The following TBC1D16 variants were observed in gnomAD, a reference collection of about 807,000 sequenced individuals.
TBC1D16 encodes CTD-2529O21.1.
A neutral mutation model predicts 74.7 loss-of-function variants in TBC1D16; 58 were observed. The ratio of observed to expected loss-of-function variants is 0.78; its 90% CI spans 0.63 to 0.97. The LOEUF is 0.97. Among genes scored for constraint, TBC1D16 ranks in the 50% least tolerant of loss-of-function variants. TBC1D16 has a pLI of 0.00. For synonymous variants in TBC1D16, 493 were observed against 474.7 expected (o/e 1.04, Z -0.50); for missense variants, 1,014 against 1,079.5 (o/e 0.94, Z 0.85).
At position 79,941,489 on chromosome 17, in the gene TBC1D16, A is replaced by G. The variant is rs1277478931; in HGVS notation, c.2056-382T>C. Reference sequence around the variant, plus strand: ...CTCTTCTTCCCCCGCACCTTGCTCCACCCCCCACCCCCAGCAGCCTCTCAG... The same window carrying G: ...CTCTTCTTCCCCCGCACCTTGCTCCGCCCCCCACCCCCAGCAGCCTCTCAG... On this transcript the variant is annotated intron_variant, in intron 11 of 11. Transcript: ENST00000310924. The surrounding 1 kb of genome is among the most constrained non-coding windows in gnomAD (Gnocchi z 4.3). Among the ~76,000 whole-genome samples, 1 of 141,106 alleles carries G rather than the reference A, an allele frequency of 7.1e-6. No homozygotes were observed. Among genetic ancestry groups the G allele is most frequent in the Non-Finnish European group, 1.6e-5 (1 of 64,082 alleles). The allele number at this position is 141,106 out of a possible 152,430, so 92.6% of individuals were successfully genotyped here. A position where few individuals can be genotyped will look rare whatever the true frequency, so the allele number is the denominator to read the frequency against.
rs1455599275 is a variant in TBC1D16, at chr17:79,943,800, C to CTGAGT, written c.1908+1103_1908+1107dup. The CTGAGT allele has an allele frequency of 3.1e-6, 4 of 1,282,628 alleles. No individual in the cohort carries two copies. The African/African-American group carries it at 4.6e-5, about 15-fold the overall frequency. The allele number at this position is 1,282,628 out of a possible 1,614,324, so 79.5% of individuals were successfully genotyped here. On this transcript the variant is annotated intron_variant, in intron 10 of 11. Transcript: ENST00000310924. Reference sequence around the variant, plus strand: ...AGGGACCCATCTGCCGGGCCACGCGCTGAGTTCACGGGTAACATCAGCCTG... The same window carrying CTGAGT: ...AGGGACCCATCTGCCGGGCCACGCGCTGAGTTGAGTTCACGGGTAACATCAGCCTG...
chr17:79,982,329 A>G (rs1312491632), intron 3 of TBC1D16, among the ~76,000 whole-genome samples: 2 of 151,350 alleles, frequency 1.3e-5, no homozygotes, highest in African/African-American at 4.9e-5. Flanking sequence ...TATTTTTGGT[A>G]GAGACGGGGT....
rs888253523 is a variant in TBC1D16 at position 80,008,278 on chromosome 17, C to T, written c.779+1882G>A. Among the ~76,000 whole-genome samples the T allele has an allele frequency of 3.3e-5, 5 of 152,110 alleles. No homozygotes were observed. Among genetic ancestry groups the T allele is most frequent in the African/African-American group, 7.2e-5 (3 of 41,400 alleles). On this transcript the variant is annotated intron_variant, in intron 3 of 11. Transcript: ENST00000310924. This position sits in a 1 kb window ranked among gnomAD's most constrained non-coding sequence, Gnocchi z 4.5. ...AGCCTCATCTTACAAACAGGGAAAC[C>T]GAGGCTCCAAGAAAAGAAAGAATTT...
rs1006008665 is a variant in TBC1D16 at position 79,994,104 on chromosome 17, C to A, written c.779+16056G>T. Among the ~76,000 whole-genome samples the A allele has an allele frequency of 2.2e-4, 33 of 152,256 alleles. No individual in the cohort carries two copies. Among genetic ancestry groups the A allele is most frequent in the African/African-American group, 7.0e-4 (29 of 41,532 alleles). ...TTGAGGCACTTATTTCCTCCCTGTC[C>A]TGACAGTTTTACTAGAAAGGTCAGC... On this transcript the variant is annotated intron_variant, in intron 3 of 11. Coordinates refer to ENST00000310924, the MANE Select transcript of TBC1D16 (RefSeq NM_019020.4). This position sits in a 1 kb window ranked among gnomAD's most constrained non-coding sequence, Gnocchi z 4.6.
At chr17:79,984,710 A>C (rs2034758952) in intron 3 of TBC1D16, among the ~76,000 whole-genome samples, 1 of 151,772 alleles carries the variant, frequency 6.6e-6, no homozygotes, top group Non-Finnish European at 1.5e-5. Flanking sequence ...AAGGCAAAAA[A>C]AAAAAAAACA....
rs531844413 is a variant in TBC1D16, at chr17:79,988,299, C to T, written c.779+21861G>A. On this transcript the variant is annotated intron_variant, in intron 3 of 11. Transcript: ENST00000310924. This position sits in a 1 kb window ranked among gnomAD's most constrained non-coding sequence, Gnocchi z 5.7. ...TCCAAAGTCACAGAGCAAAACAACACGCTGAACAAACACCACCACCCTGAA... is the reference window on the plus strand; with the variant it reads ...TCCAAAGTCACAGAGCAAAACAACATGCTGAACAAACACCACCACCCTGAA... Among the ~76,000 whole-genome samples the T allele has an allele frequency of 2.0e-5, 3 of 152,356 alleles. No homozygotes were observed. Among genetic ancestry groups the T allele is most frequent in the East Asian group, 1.9e-4 (1 of 5,184 alleles).
chr17:80,006,199 G>GCT lies in TBC1D16; in HGVS notation c.779+3959_779+3960dup, dbSNP rs531840121. On this transcript the variant is annotated intron_variant, in intron 3 of 11. Coordinates refer to ENST00000310924, the MANE Select transcript of TBC1D16 (RefSeq NM_019020.4). The stretch of plus-strand genomic sequence containing the variant: ...ACCAGGAGCGCTCTCGCTCTCTCTC[G>GCT]CTCTCTCGCTCTCTTTCTCTCTTTC... 2.0e-5 allele frequency among the ~76,000 whole-genome samples: 3 copies of GCT among 150,480 alleles called. No homozygotes were observed. The South Asian group carries it at 6.4e-4, about 32-fold the overall frequency.
Position 79,940,770 on chromosome 17 carries a change from T to G in TBC1D16, c.*89A>C. On this transcript the variant is annotated 3_prime_UTR_variant, in exon 12 of 12. Coordinates refer to ENST00000310924, the MANE Select transcript of TBC1D16 (RefSeq NM_019020.4). This position sits in a 1 kb window ranked among gnomAD's most constrained non-coding sequence, Gnocchi z 5.4. The stretch of plus-strand genomic sequence containing the variant: ...TTTTCCTTAGGTTTCTACCGTCCCC[T>G]GTCCCCTTCACGCCCAGCCCCACCC... 7.2e-7 allele frequency: 1 copy of G among 1,396,910 alleles called. No individual in the cohort carries two copies. The highest frequency in any genetic ancestry group is 1.7e-5 in the South Asian group (1 of 60,278). The allele number at this position is 1,396,910 out of a possible 1,614,324, so 86.5% of individuals were successfully genotyped here. A position where few individuals can be genotyped will look rare whatever the true frequency, so the allele number is the denominator to read the frequency against.
chr17:80,006,218 CTCTT>C (rs543899877), intron 3 of TBC1D16, among the ~76,000 whole-genome samples: 33 of 147,510 alleles, frequency 2.2e-4, no homozygotes, highest in South Asian at 1.1e-3. Flanking sequence ...CTCTCTTTCT[CTCTT>C]TCTTTCTCTC....
In TBC1D16 at chr17:80,009,085, G is replaced by A. The variant is rs1042828345; in HGVS notation, c.779+1075C>T. ...AATAGGAGGGCCCACCTCACGGGGCGTGGGGCTGTGGAAAGCACACACGTA... is the reference window on the plus strand; with the variant it reads ...AATAGGAGGGCCCACCTCACGGGGCATGGGGCTGTGGAAAGCACACACGTA... On this transcript the variant is annotated intron_variant, in intron 3 of 11. Transcript: ENST00000310924. This position sits in a 1 kb window ranked among gnomAD's most constrained non-coding sequence, Gnocchi z 5.4. Among the ~76,000 whole-genome samples the A allele has an allele frequency of 6.6e-5, 10 of 152,214 alleles. No homozygotes were observed. The highest frequency in any genetic ancestry group is 2.6e-4 in the Admixed American group (4 of 15,282).
intron 3 of TBC1D16, among the ~76,000 whole-genome samples, chr17:79,968,372 A>C (rs1401071247): frequency 6.6e-6 from 1 of 152,266 alleles, no homozygotes; most frequent in South Asian, 2.1e-4. Flanking sequence ...CAAAGAATGA[A>C]GTCAGACCAT....
At chr17:80,012,314 C>T (rs2035926030) in intron 2 of TBC1D16, among the ~76,000 whole-genome samples, 5 of 152,152 alleles carry the variant, frequency 3.3e-5, no homozygotes, top group Admixed American at 2.6e-4. Flanking sequence ...ACCCTCAGGC[C>T]AGGCAACCTC....
At chr17:79,951,687 G>T in intron 4 of TBC1D16, 90 bp from the exon 5 acceptor site, 2 of 1,458,538 alleles carry the variant, frequency 1.4e-6, no homozygotes, top group Non-Finnish European at 9.2e-7. Flanking sequence ...GGCCACTGTC[G>T]CCAACCTCAG....
intron 3 of TBC1D16, among the ~76,000 whole-genome samples, chr17:79,982,975 T>C (rs1050271996): frequency 3.3e-5 from 5 of 152,198 alleles, no homozygotes; most frequent in African/African-American, 1.2e-4. Flanking sequence ...TGTGTACACG[T>C]AAATACTGAA....
chr17:79,943,068 C>T (rs1405238966), intron 10 of TBC1D16, among the ~76,000 whole-genome samples: 2 of 152,238 alleles, frequency 1.3e-5, no homozygotes, highest in South Asian at 2.1e-4. Flanking sequence ...AGTCTCCTGA[C>T]GTCGACCACA....
chr17:79,972,205 CTTGCTT>C (rs2034140495), intron 3 of TBC1D16, among the ~76,000 whole-genome samples: 1 of 152,070 alleles, frequency 6.6e-6, no homozygotes, highest in Non-Finnish European at 1.5e-5. Context: ...GAGAGGGAGT[CTTGCTT>C]TGTCACCCAG....
chr17:80,017,344 C>T (rs568920989), intron 1 of TBC1D16, among the ~76,000 whole-genome samples: 7 of 152,168 alleles, frequency 4.6e-5, no homozygotes, highest in African/African-American at 1.2e-4. Context: ...TCATTTTTCA[C>T]GTGTCTCAAA....
intron 3 of TBC1D16, among the ~76,000 whole-genome samples, chr17:79,974,100 C>G (rs1411429427): frequency 6.6e-6 from 1 of 152,188 alleles, no homozygotes; most frequent in African/African-American, 2.4e-5. Context: ...AACACAAGCA[C>G]TGAGATCCTA....
At chr17:79,968,919 T>C (rs1598362554) in intron 3 of TBC1D16, among the ~76,000 whole-genome samples, 1 of 148,524 alleles carries the variant, frequency 6.7e-6, no homozygotes, top group South Asian at 2.1e-4. Flanking sequence ...AAATCATATA[T>C]CTGACAAGGG....
Sources: allele counts gnomAD v4.1 joint callset (sites outside exome capture counted in the v4.1 genomes callset), GRCh38; gene constraint gnomAD v4.1.1; non-coding constraint Gnocchi (gnomAD v3.1); transcripts MANE v1.5; gene names NCBI Gene and HGNC (gene_info 2026-07-23, HGNC 2026-07-21).